The following LPP variants were observed in gnomAD, a reference collection of about 807,000 sequenced individuals.
LPP encodes the protein lipoma-preferred partner.
A neutral mutation model predicts 60.4 loss-of-function variants in LPP; 38 were observed. The ratio of observed to expected loss-of-function variants is 0.63; its 90% CI spans 0.49 to 0.83. The LOEUF (loss-of-function observed/expected upper bound fraction) is 0.83. LPP is among the 40% of genes least tolerant of loss of function. The pLI, the probability that LPP is intolerant of heterozygous loss-of-function variation, is 0.00. For synonymous variants in LPP, 328 were observed against 290.8 expected, an observed-to-expected ratio of 1.13 and a Z score of -1.30; for missense variants, 902 against 783.6, an observed-to-expected ratio of 1.15 and a Z score of -1.80.
At chr3:188,226,011 A>G (rs1260996786) in intron 2 of LPP, among the ~76,000 whole-genome samples, 6 of 152,030 alleles carry the variant, frequency 3.9e-5, no homozygotes, top group Non-Finnish European at 8.8e-5. Context: ...ATTTCATTTT[A>G]TGTATTTATT....
chr3:188,777,574 G>T (rs997906374), intron 9 of LPP, among the ~76,000 whole-genome samples: 5 of 152,126 alleles, frequency 3.3e-5, no homozygotes, highest in Admixed American at 2.0e-4. Context: ...AAAGATTGAG[G>T]AGCTAATTTT....
At chr3:188,773,670 T>C (rs954488616) in intron 9 of LPP, among the ~76,000 whole-genome samples, 4 of 152,232 alleles carry the variant, frequency 2.6e-5, no homozygotes, top group Non-Finnish European at 5.9e-5. Context: ...AAAAATAAAA[T>C]TGAATCTTCT....
At chr3:188,619,178 C>T (rs980614355) in intron 7 of LPP, among the ~76,000 whole-genome samples, 2 of 152,292 alleles carry the variant, frequency 1.3e-5, no homozygotes, top group South Asian at 2.1e-4. Context: ...GCATCTGCCA[C>T]CAGGCCCAGC....
At chr3:188,371,642 T>TATATATATATATATATATATATATATA (rs1553878070) in intron 3 of LPP, among the ~76,000 whole-genome samples, 6 of 16,228 alleles carry the variant, frequency 3.7e-4, no homozygotes, top group African/African-American at 7.7e-4. Flanking sequence ...TATATATATA[T>TATATATATATATATATATATATATATA]TTTTTTTTTT....
chr3:188,299,049 A>G (rs1248620565), intron 2 of LPP, among the ~76,000 whole-genome samples: 1 of 152,202 alleles, frequency 6.6e-6, no homozygotes, highest in Non-Finnish European at 1.5e-5. Flanking sequence ...TTACATCTTA[A>G]TAAGGCAGCA....
chr3:188,484,758 T>C (rs1212355468), intron 5 of LPP, 54 bp downstream of exon 5: 6 of 1,338,496 alleles, frequency 4.5e-6, no homozygotes, highest in Non-Finnish European at 6.4e-6. Flanking sequence ...AAAGTCATGT[T>C]TATAAGCCAT....
chr3:188,334,277 A>T (rs1760968071), intron 2 of LPP, among the ~76,000 whole-genome samples: 1 of 151,818 alleles, frequency 6.6e-6, no homozygotes, highest in South Asian at 2.1e-4. Context: ...CTGTTGATGG[A>T]TACTTAGATT....
At chr3:188,577,626 T>TA (rs1238896764) in intron 6 of LPP, among the ~76,000 whole-genome samples, 1 of 151,760 alleles carries the variant, frequency 6.6e-6, no homozygotes, top group Non-Finnish European at 1.5e-5. Flanking sequence ...GTTTTGCAAG[T>TA]AAAAAAACTT....
chr3:188,463,491 T>C (rs774897300), intron 4 of LPP, among the ~76,000 whole-genome samples: 2 of 152,184 alleles, frequency 1.3e-5, no homozygotes, highest in Non-Finnish European at 2.9e-5. Flanking sequence ...TTGGCAATTA[T>C]ATCTGCGTGC....
intron 7 of LPP, among the ~76,000 whole-genome samples, chr3:188,674,658 C>T (rs1857626793): frequency 6.6e-6 from 1 of 152,160 alleles, no homozygotes. Context: ...TTTACATTTT[C>T]TCATTTAATC....
chr3:188,352,941 T>A lies in LPP; in HGVS notation c.-10+11222T>A, dbSNP rs991398324. Among the ~76,000 whole-genome samples the A allele has an allele frequency of 2.0e-5, 3 of 152,148 alleles. No homozygotes were observed. The highest frequency in any genetic ancestry group is 7.2e-5 in the African/African-American group (3 of 41,428). On this transcript the variant is annotated intron_variant, in intron 3 of 11. Transcript: ENST00000617246. The surrounding 1 kb of genome is among the most constrained non-coding windows in gnomAD (Gnocchi z 4.4). ...CTTTTCTGGGGGAGAATGTTTCTTA[T>A]CAGATTCCGCAGATGGGTTCCTTGA...
chr3:188,761,475 T>C (rs1485703233), intron 9 of LPP, among the ~76,000 whole-genome samples: 1 of 152,144 alleles, frequency 6.6e-6, no homozygotes, highest in African/African-American at 2.4e-5. Flanking sequence ...TTTCCAAAGG[T>C]AGCTTAAACA....
intron 1 of LPP, among the ~76,000 whole-genome samples, chr3:188,162,296 A>G (rs1718518643): frequency 6.6e-6 from 1 of 152,170 alleles, no homozygotes; most frequent in Admixed American, 6.6e-5. Flanking sequence ...AAACTTTCCT[A>G]ACTGGGGTGC....
chr3:188,569,209 A>C (rs1832928627), intron 6 of LPP: 1 of 152,026 alleles, frequency 6.6e-6, no homozygotes, highest in South Asian at 2.1e-4. Flanking sequence ...AGCCGCTTAC[A>C]ATTGGATTCG....
chr3:188,226,147 T>C (rs1717667939), intron 2 of LPP, among the ~76,000 whole-genome samples: 1 of 152,170 alleles, frequency 6.6e-6, no homozygotes, highest in Non-Finnish European at 1.5e-5. Context: ...CAGCTGGGAC[T>C]ACAGGCACAT....
At chr3:188,837,453 G>A (rs1758786941) in intron 9 of LPP, among the ~76,000 whole-genome samples, 1 of 151,000 alleles carries the variant, frequency 6.6e-6, no homozygotes, top group Non-Finnish European at 1.5e-5. Context: ...TCTAGTTTTG[G>A]TATTCCTACT....
chr3:188,805,209 T>C (rs1277741728), intron 9 of LPP, among the ~76,000 whole-genome samples: 1 of 152,092 alleles, frequency 6.6e-6, no homozygotes, highest in Non-Finnish European at 1.5e-5. Flanking sequence ...GCTGGCCTCA[T>C]AAAAGGAATT....
intron 4 of LPP, among the ~76,000 whole-genome samples, chr3:188,437,259 C>T (rs1176309765): frequency 1.3e-5 from 2 of 152,190 alleles, no homozygotes; most frequent in Admixed American, 6.5e-5. Context: ...GATACTAGAG[C>T]TTCCGTTCCA....
At chr3:188,680,571 A>C (rs1380917943) in intron 7 of LPP, among the ~76,000 whole-genome samples, 2 of 152,204 alleles carry the variant, frequency 1.3e-5, no homozygotes, top group African/African-American at 2.4e-5. Context: ...CTTACCCTCA[A>C]ATCAGTAGCA....
Sources: allele counts gnomAD v4.1 joint callset (sites outside exome capture counted in the v4.1 genomes callset), GRCh38; gene constraint gnomAD v4.1.1; non-coding constraint Gnocchi (gnomAD v3.1); transcripts MANE v1.5; gene names NCBI Gene and HGNC (gene_info 2026-07-23, HGNC 2026-07-21).